Variants in SAMD5 observed in about 807,000 individuals in gnomAD.
SAMD5 encodes the protein sterile alpha motif domain-containing protein 5.
SAMD5 carries 13 observed loss-of-function variants against 11.3 expected under a neutral mutation model. That is an observed-to-expected ratio of 1.15 (90% CI 0.75 to 1.83). SAMD5 has a LOEUF of 1.83. Among genes scored for constraint, SAMD5 ranks in the 40% most tolerant of loss-of-function variants. The probability of loss-of-function intolerance (pLI) is 0.00; values close to 1 mark genes in which losing one functional copy is unlikely to be tolerated. For missense variants in SAMD5, 255 were observed against 239.1 expected (o/e 1.07, Z -0.44); for synonymous variants, 129 against 111.3 (o/e 1.16, Z -1.00).
intron 1 of SAMD5, among the ~76,000 whole-genome samples, chr6:147,630,626 C>T (rs183495538): frequency 3.7e-4 from 56 of 152,018 alleles, no homozygotes; most frequent in African/African-American, 1.2e-3. Context: ...TATAAAACAG[C>T]CCCACCCCTA....
At chr6:147,828,778 A>G in the SAMD5 span, among the ~76,000 whole-genome samples, 1 of 152,168 alleles carries the variant, frequency 6.6e-6, no homozygotes, top group Non-Finnish European at 1.5e-5. Context: ...GAGAACACTG[A>G]CTAATGCAGC....
At chr6:147,755,607 G>A in the SAMD5 span, among the ~76,000 whole-genome samples, 1 of 152,058 alleles carries the variant, frequency 6.6e-6, no homozygotes, top group Non-Finnish European at 1.5e-5. Flanking sequence ...TATGGAAAAG[G>A]CCTGCTTGGG....
the SAMD5 span, among the ~76,000 whole-genome samples, chr6:147,897,345 C>A: frequency 6.6e-6 from 1 of 152,164 alleles, no homozygotes; most frequent in African/African-American, 2.4e-5. Context: ...TCTTGAACTG[C>A]ATCACCAGCC....
intron 1 of SAMD5, among the ~76,000 whole-genome samples, chr6:147,524,593 CT>C (rs956994533): frequency 6.6e-6 from 1 of 152,048 alleles, no homozygotes; most frequent in Non-Finnish European, 1.5e-5. Context: ...TCTGCCATTC[CT>C]TTTCACATCT....
At chr6:147,804,401 C>T in the SAMD5 span, among the ~76,000 whole-genome samples, 111 of 152,264 alleles carry the variant, frequency 7.3e-4, 1 homozygote, top group African/African-American at 2.4e-3. Context: ...TGAGCCACTG[C>T]GCCCAGCCTG....
Position 147,569,321 on chromosome 6 carries a change from T to G in SAMD5, c.*4865T>G, listed in dbSNP as rs1271695642. ...TAAAATTGTTTAAACTCCTGGAAAT[T>G]AAGTGTTATTTTTTATTACTGCAGT... is the stretch of plus-strand genomic sequence containing the variant. On this transcript the variant is annotated 3_prime_UTR_variant, in exon 2 of 2. Coordinates refer to ENST00000367474, the MANE Select transcript of SAMD5 (RefSeq NM_001030060.3). The G allele has an allele frequency of 3.9e-6, 2 of 509,780 alleles. No individual in the cohort carries two copies. Among genetic ancestry groups the G allele is most frequent in the African/African-American group, 4.2e-5 (2 of 48,100 alleles). 31.6% of individuals were successfully genotyped at this position (509,780 alleles called of 1,614,324 possible).
At chr6:147,860,373 G>A in the SAMD5 span, among the ~76,000 whole-genome samples, 1 of 152,190 alleles carries the variant, frequency 6.6e-6, no homozygotes, top group Admixed American at 6.5e-5. Flanking sequence ...ATTCACAGGT[G>A]GGAGTGGTGG....
downstream of SAMD5, among the ~76,000 whole-genome samples, chr6:147,572,435 G>T (rs1010726451): frequency 6.6e-6 from 1 of 152,088 alleles, no homozygotes; most frequent in Non-Finnish European, 1.5e-5. Flanking sequence ...TTCTGTTGCA[G>T]AAATGTAGTA....
intron 1 of SAMD5, among the ~76,000 whole-genome samples, chr6:147,643,171 G>A (rs1583120419): frequency 6.6e-6 from 1 of 152,302 alleles, no homozygotes; most frequent in East Asian, 1.9e-4. Context: ...TGGTGAATCA[G>A]AAAGGTGATG....
chr6:147,839,135 G>A, the SAMD5 span, among the ~76,000 whole-genome samples: 1 of 152,114 alleles, frequency 6.6e-6, no homozygotes, highest in Non-Finnish European at 1.5e-5. Flanking sequence ...CCATATTTCT[G>A]TGCTACACTC....
the SAMD5 span, among the ~76,000 whole-genome samples, chr6:147,871,385 T>A: frequency 2.8e-4 from 42 of 152,192 alleles, no homozygotes; most frequent in Non-Finnish European, 5.1e-4. Flanking sequence ...ATTGTACCTC[T>A]CTAGCTTTGA....
At chr6:147,559,788 C>G (rs999835834) in intron 1 of SAMD5, among the ~76,000 whole-genome samples, 11 of 152,052 alleles carry the variant, frequency 7.2e-5, no homozygotes, top group Admixed American at 2.6e-4. Context: ...AAAATGTACC[C>G]TAGAAAACTC....
chr6:147,896,756 A>C, the SAMD5 span, among the ~76,000 whole-genome samples: 2 of 82,902 alleles, frequency 2.4e-5, no homozygotes, highest in South Asian at 3.3e-4. Flanking sequence ...AAAAAAAAAA[A>C]AAAAAAACGC....
At chr6:147,673,814 G>A (rs1790828424) in intron 1 of SAMD5, among the ~76,000 whole-genome samples, 1 of 152,130 alleles carries the variant, frequency 6.6e-6, no homozygotes, top group Non-Finnish European at 1.5e-5. Flanking sequence ...ATGAATGAAA[G>A]ATGGAGGGAA....
intron 1 of SAMD5, among the ~76,000 whole-genome samples, chr6:147,619,845 G>T (rs914866791): frequency 6.6e-6 from 1 of 152,144 alleles, no homozygotes; most frequent in Non-Finnish European, 1.5e-5. Context: ...CTCAAAGGCT[G>T]ATACCCAGTC....
the SAMD5 span, among the ~76,000 whole-genome samples, chr6:147,859,059 A>G: frequency 4.6e-5 from 7 of 152,242 alleles, no homozygotes; most frequent in African/African-American, 1.4e-4. Flanking sequence ...GCCAGGGAGG[A>G]CCTCACTATG....
At chr6:147,513,460 A>G (rs1304705031) in intron 1 of SAMD5, among the ~76,000 whole-genome samples, 1 of 152,200 alleles carries the variant, frequency 6.6e-6, no homozygotes, top group Non-Finnish European at 1.5e-5. Context: ...GAGACCCAGG[A>G]GAACAGCGAG....
At chr6:147,698,416 T>C (rs1477765994) in intron 1 of SAMD5, among the ~76,000 whole-genome samples, 1 of 152,178 alleles carries the variant, frequency 6.6e-6, no homozygotes, top group Non-Finnish European at 1.5e-5. Context: ...GAAAACACTT[T>C]TTCTCCTTTC....
chr6:147,831,144 A>G, the SAMD5 span, among the ~76,000 whole-genome samples: 1 of 152,246 alleles, frequency 6.6e-6, no homozygotes, highest in Non-Finnish European at 1.5e-5. Flanking sequence ...TAAATAAACC[A>G]TAAGTCACAA....
Sources: gnomAD v4.1 joint callset for allele counts (sites outside exome capture counted in the v4.1 genomes callset) on GRCh38, gnomAD v4.1.1 for gene constraint, MANE v1.5 for transcripts, NCBI Gene and HGNC (gene_info 2026-07-23, HGNC 2026-07-21) for gene names.